Variants in PDSS1 observed in about 807,000 individuals in gnomAD.
PDSS1 encodes the protein all trans-polyprenyl-diphosphate synthase PDSS1.
Under a neutral mutation model 57.5 loss-of-function variants are expected in PDSS1, and 43 were observed. The observed-to-expected ratio is 0.75, with a 90% CI of 0.59 to 0.96. The LOEUF (loss-of-function observed/expected upper bound fraction) is 0.96. Ranked by LOEUF, PDSS1 falls within the 50% of genes least tolerant of loss-of-function variation. PDSS1 has a pLI of 0.00. For missense variants in PDSS1, 438 were observed against 527.8 expected, an observed-to-expected ratio of 0.83 and a Z score of 1.67; for synonymous variants, 175 against 191.3, an observed-to-expected ratio of 0.91 and a Z score of 0.70.
chr10:26,717,046 CCAGATGTAAGCTGACACA>C (rs1468937058), intron 5 of PDSS1, among the ~76,000 whole-genome samples: 1 of 152,052 alleles, frequency 6.6e-6, no homozygotes, highest in Non-Finnish European at 1.5e-5. Context: ...GCAGCATTTC[CCAGATGTAAGCTGACACA>C]CACTAAAGCT....
At chr10:26,740,755 A>G in intron 10 of PDSS1, 1 of 451,750 alleles carries the variant, frequency 2.2e-6, no homozygotes, top group South Asian at 1.6e-5. Context: ...AAGGGCTTCC[A>G]GTCATGAAGA....
At chr10:26,724,878 A>C (rs1375350150) in intron 8 of PDSS1, among the ~76,000 whole-genome samples, 1 of 152,154 alleles carries the variant, frequency 6.6e-6, no homozygotes, top group Admixed American at 6.6e-5. Context: ...GCACCTGGCC[A>C]ATACATTGCA....
At chr10:26,723,073 T>C (rs1835840325) in intron 6 of PDSS1, among the ~76,000 whole-genome samples, 1 of 152,074 alleles carries the variant, frequency 6.6e-6, no homozygotes, top group Non-Finnish European at 1.5e-5. Flanking sequence ...CCCACTCCAC[T>C]CCACCCTCCC....
At chr10:26,717,388 T>C (rs1248890250) in intron 5 of PDSS1, among the ~76,000 whole-genome samples, 1 of 152,108 alleles carries the variant, frequency 6.6e-6, no homozygotes, top group African/African-American at 2.4e-5. Flanking sequence ...CCCACTACCA[T>C]GCCTGGCTAG....
rs572280391 is a variant in PDSS1 at position 26,734,846 on chromosome 10, C to G, written c.832-394C>G. 9.1e-6 allele frequency: 4 copies of G among 439,578 alleles called. No homozygotes were observed. The East Asian group carries it at 2.7e-4, about 30-fold the overall frequency. 27.2% of individuals were successfully genotyped at this position (439,578 alleles called of 1,614,324 possible). ...AGAGATGATTAAAGCCAACAGTAAT[C>G]GGGCTAGCTTGCCGAGTGCTAGAAG... On this transcript the variant is annotated intron_variant, in intron 8 of 11. Coordinates refer to ENST00000376215, the MANE Select transcript of PDSS1 (RefSeq NM_014317.5).
intron 10 of PDSS1, chr10:26,740,796 A>G (rs978264538): frequency 2.5e-6 from 1 of 408,002 alleles, no homozygotes; most frequent in African/African-American, 2.1e-5. Flanking sequence ...GGGCTAAGGA[A>G]GTCACTCGGC....
intron 5 of PDSS1, among the ~76,000 whole-genome samples, chr10:26,716,213 G>T (rs556364130): frequency 6.6e-6 from 1 of 151,952 alleles, no homozygotes; most frequent in African/African-American, 2.4e-5. Flanking sequence ...GATTGGAGGC[G>T]CCCTTGATAC....
Position 26,724,006 on chromosome 10 carries a change from CT to C in PDSS1, c.722-5del. ...CACCTCTCAAATGACTCCTTTCCTT[CT>C]TTATAGGTGAATTTCTTCAGCTCGG... On this transcript the variant is annotated splice_region_variant and splice_polypyrimidine_tract_variant and intron_variant, in intron 7 of 11. Transcript: ENST00000376215. The C allele has an allele frequency of 6.2e-7, 1 of 1,610,020 alleles. No homozygotes were observed. Among genetic ancestry groups the C allele is most frequent in the Non-Finnish European group, 8.5e-7 (1 of 1,176,300 alleles).
chr10:26,746,192 T>C, intron 11 of PDSS1, 141 bp from the exon 12 acceptor site: 2 of 910,210 alleles, frequency 2.2e-6, no homozygotes. Flanking sequence ...GAAAAGAACA[T>C]TAGAGATGTA....
rs559675864 is a variant in PDSS1, at chr10:26,700,410, C to T, written c.130-1752C>T. On this transcript the variant is annotated intron_variant, in intron 1 of 11. Transcript: ENST00000376215. ...CTTTAGCTCAGGAGTTCGAGACCAG[C>T]CTGGGCCACTTAGTGAGACCTCCTG... 1.1e-4 allele frequency among the ~76,000 whole-genome samples: 16 copies of T among 152,224 alleles called. No individual in the cohort carries two copies. The South Asian group carries it at 2.1e-3, about 20-fold the overall frequency.
At chr10:26,740,078 G>C (rs113597303) in intron 10 of PDSS1, among the ~76,000 whole-genome samples, 2,456 of 151,000 alleles carry the variant, frequency 0.016, 58 homozygotes, top group African/African-American at 0.057. Context: ...GGAGGCGGAG[G>C]TTGCAGTCAG....
At chr10:26,724,211 C>A in intron 8 of PDSS1, 88 bp downstream of exon 8, 1 of 915,850 alleles carries the variant, frequency 1.1e-6, no homozygotes, top group Non-Finnish European at 1.8e-6. Flanking sequence ...GGTGAAGAAT[C>A]TTAAAATAGT....
At chr10:26,734,648 C>T (rs41314960) in intron 8 of PDSS1, 18 of 455,824 alleles carry the variant, frequency 3.9e-5, no homozygotes, top group East Asian at 2.8e-4. Context: ...AATGAAAGAG[C>T]GATATCTGTG....
chr10:26,735,619 C>A, intron 10 of PDSS1, 40 bp downstream of exon 10: 2 of 1,096,592 alleles, frequency 1.8e-6, no homozygotes, highest in Non-Finnish European at 1.4e-6. Context: ...CACTGCATAG[C>A]CCCACAGAAC....
At chr10:26,709,493 G>A (rs1379255890) in intron 4 of PDSS1, 145 bp from the exon 5 acceptor site, 15 of 777,996 alleles carry the variant, frequency 1.9e-5, no homozygotes, top group African/African-American at 6.9e-5. Context: ...CCCGGGAGGC[G>A]GAGGTTACAA....
chr10:26,703,463 T>C (rs1313658189), intron 2 of PDSS1, among the ~76,000 whole-genome samples: 3 of 152,078 alleles, frequency 2.0e-5, no homozygotes, highest in African/African-American at 4.8e-5. Context: ...TAACTATTAC[T>C]AGAGACCTGA....
intron 8 of PDSS1, among the ~76,000 whole-genome samples, chr10:26,727,853 C>T (rs576938732): frequency 3.9e-5 from 6 of 152,288 alleles, no homozygotes; most frequent in African/African-American, 1.4e-4. Context: ...CTTTGCCTCT[C>T]ATTACCTTGG....
At chr10:26,734,892 G>A (rs767717543) in intron 8 of PDSS1, among the ~76,000 whole-genome samples, 37 of 152,172 alleles carry the variant, frequency 2.4e-4, no homozygotes, top group Non-Finnish European at 4.4e-4. Context: ...ACAGATGGGG[G>A]TCCGTTTCTT....
At chr10:26,711,458 A>T (rs1258277522) in intron 5 of PDSS1, among the ~76,000 whole-genome samples, 1 of 99,128 alleles carries the variant, frequency 1.0e-5, no homozygotes, top group African/African-American at 3.3e-5. Context: ...TCTGGCTGCC[A>T]CTTTAGCTGG....
Sources: gnomAD v4.1 joint callset for allele counts (sites outside exome capture counted in the v4.1 genomes callset) on GRCh38, gnomAD v4.1.1 for gene constraint, MANE v1.5 for transcripts, NCBI Gene and HGNC (gene_info 2026-07-23, HGNC 2026-07-21) for gene names.